Variants in FLRT2 observed in about 807,000 individuals in gnomAD.
FLRT2 encodes the protein leucine-rich repeat transmembrane protein FLRT2.
Under a neutral mutation model 40.0 loss-of-function variants are expected in FLRT2, and 15 were observed. That is an observed-to-expected ratio of 0.38 (90% CI 0.25 to 0.58). The LOEUF (loss-of-function observed/expected upper bound fraction) is 0.58, where lower values mean the gene tolerates loss of function less well. Among genes scored for constraint, FLRT2 ranks in the 20% least tolerant of loss-of-function variants. The pLI is 0.71. For missense variants in FLRT2, 726 were observed against 840.0 expected, an observed-to-expected ratio of 0.86 and a Z score of 1.68; for synonymous variants, 380 against 336.8, an observed-to-expected ratio of 1.13 and a Z score of -1.41.
rs1467646968 is a variant in FLRT2 at position 85,621,874 on chromosome 14, T to C, written c.360T>C (p.Asn120=). ...NVRVLHLQEN[N]IQTISRAALA... Reference sequence around the variant, plus strand: ...GAGTTCTCCATTTGCAGGAAAACAATATTCAGACCATTTCACGGGCTGCTC... The same window carrying C: ...GAGTTCTCCATTTGCAGGAAAACAACATTCAGACCATTTCACGGGCTGCTC... Residue 120 remains asparagine, a synonymous_variant, in exon 2 of 2, where the codon AAT becomes AAC. Coordinates refer to ENST00000330753, the MANE Select transcript of FLRT2 (RefSeq NM_013231.6). The C allele has an allele frequency of 5.6e-6, 9 of 1,612,080 alleles. No individual in the cohort carries two copies. The highest frequency in any genetic ancestry group is 5.3e-5 in the African/African-American group (4 of 74,874).
At chr14:85,604,845 G>T (rs931914265) in intron 1 of FLRT2, among the ~76,000 whole-genome samples, 4 of 152,144 alleles carry the variant, frequency 2.6e-5, no homozygotes, top group African/African-American at 9.7e-5. Flanking sequence ...GTTGGCAGAG[G>T]GGTGAAGTGG....
chr14:85,586,121 T>C (rs1275244977), intron 1 of FLRT2, among the ~76,000 whole-genome samples: 1 of 148,348 alleles, frequency 6.7e-6, no homozygotes, highest in African/African-American at 2.4e-5. Context: ...TAATCAGTGT[T>C]TATATAATAT....
At position 85,637,100 on chromosome 14, in the gene FLRT2, T is replaced by C. The variant is rs1034200696; in HGVS notation, c.*13603T>C. On this transcript the variant is annotated 3_prime_UTR_variant, in exon 2 of 2. Coordinates refer to ENST00000330753, the MANE Select transcript of FLRT2 (RefSeq NM_013231.6). ...TAGCAACATGTTTTGTGGAGATAAA[T>C]GTAAACACATTTTACACATACAAAT... The C allele has an allele frequency of 1.3e-5, 2 of 152,114 alleles. No homozygotes were observed. Among genetic ancestry groups the C allele is most frequent in the African/African-American group, 4.8e-5 (2 of 41,414 alleles). The allele number at this position is 152,114 out of a possible 1,614,324, so 9.4% of individuals were successfully genotyped here. A position where few individuals can be genotyped will look rare whatever the true frequency, so the allele number is the denominator to read the frequency against.
At chr14:85,583,858 G>T (rs1251608914) in intron 1 of FLRT2, among the ~76,000 whole-genome samples, 1 of 151,982 alleles carries the variant, frequency 6.6e-6, no homozygotes, top group Non-Finnish European at 1.5e-5. Context: ...TGAATGCAAA[G>T]GTGCGCCTGT....
intron 1 of FLRT2, among the ~76,000 whole-genome samples, chr14:85,583,344 A>T (rs1891474394): frequency 6.6e-6 from 1 of 152,236 alleles, no homozygotes; most frequent in South Asian, 2.1e-4. Context: ...TTCAACAAAC[A>T]GTCTTAACCC....
At chr14:85,560,273 A>G (rs529894937) in intron 1 of FLRT2, among the ~76,000 whole-genome samples, 2 of 152,264 alleles carry the variant, frequency 1.3e-5, no homozygotes, top group South Asian at 4.1e-4. Flanking sequence ...GGAGAAATGT[A>G]TTAGAATTAG....
intron 1 of FLRT2, among the ~76,000 whole-genome samples, chr14:85,567,429 C>T (rs1890674576): frequency 6.6e-6 from 1 of 152,098 alleles, no homozygotes; most frequent in Non-Finnish European, 1.5e-5. Context: ...TGGTTAAGAG[C>T]ATGGATTCTG....
At chr14:85,580,292 T>C (rs1157639481) in intron 1 of FLRT2, among the ~76,000 whole-genome samples, 1 of 152,146 alleles carries the variant, frequency 6.6e-6, no homozygotes, top group Non-Finnish European at 1.5e-5. Flanking sequence ...GAAGGTACTG[T>C]TGGTGTTGCA....
intron 1 of FLRT2, among the ~76,000 whole-genome samples, chr14:85,556,751 C>T (rs1465399834): frequency 6.6e-6 from 1 of 152,208 alleles, no homozygotes; most frequent in African/African-American, 2.4e-5. Flanking sequence ...GGTATATACA[C>T]AATAAGTATT....
At chr14:85,540,165 C>T (rs1315087778) in intron 1 of FLRT2, among the ~76,000 whole-genome samples, 1 of 152,124 alleles carries the variant, frequency 6.6e-6, no homozygotes, top group Admixed American at 6.5e-5. Context: ...TTTGCAAACA[C>T]ACACCAATAG....
At chr14:85,564,708 T>A (rs1890538316) in intron 1 of FLRT2, among the ~76,000 whole-genome samples, 1 of 152,216 alleles carries the variant, frequency 6.6e-6, no homozygotes. Flanking sequence ...AATACTACTA[T>A]ACCTAGCATG....
At chr14:85,542,464 T>C (rs896529696) in intron 1 of FLRT2, among the ~76,000 whole-genome samples, 2 of 152,132 alleles carry the variant, frequency 1.3e-5, no homozygotes, top group African/African-American at 4.8e-5. Context: ...CACATAGGCT[T>C]TTTCTGTTAA....
At chr14:85,557,852 A>T (rs1256283540) in intron 1 of FLRT2, among the ~76,000 whole-genome samples, 1 of 149,944 alleles carries the variant, frequency 6.7e-6, no homozygotes, top group Non-Finnish European at 1.5e-5. Context: ...ATTAATTAAC[A>T]AAAGCAAACT....
At chr14:85,615,048 C>A (rs1233826905) in intron 1 of FLRT2, among the ~76,000 whole-genome samples, 1 of 152,172 alleles carries the variant, frequency 6.6e-6, no homozygotes, top group Non-Finnish European at 1.5e-5. Flanking sequence ...ACTACCCAAC[C>A]AGTTGCTATC....
chr14:85,579,835 C>T (rs957668921), intron 1 of FLRT2, among the ~76,000 whole-genome samples: 15 of 151,316 alleles, frequency 9.9e-5, no homozygotes, highest in Admixed American at 1.3e-4. Context: ...AGCGATGCCA[C>T]TGGGATACTA....
chr14:85,539,786 A>G (rs1475373425), intron 1 of FLRT2, among the ~76,000 whole-genome samples: 2 of 152,176 alleles, frequency 1.3e-5, no homozygotes, highest in South Asian at 2.1e-4. Flanking sequence ...GTCTTGTGCT[A>G]TGATAGACTA....
chr14:85,607,955 A>G (rs1892697553), intron 1 of FLRT2, among the ~76,000 whole-genome samples: 2 of 143,610 alleles, frequency 1.4e-5, no homozygotes. Context: ...ATTAATAGAT[A>G]GCCATCTTCT....
rs997695425 is a variant in FLRT2 at position 85,646,724 on chromosome 14, C to A, written c.*23227C>A. The A allele has an allele frequency of 1.3e-5, 2 of 152,328 alleles. No individual in the cohort carries two copies. Among genetic ancestry groups the A allele is most frequent in the African/African-American group, 2.4e-5 (1 of 41,558 alleles). 9.4% of individuals were successfully genotyped at this position (152,328 alleles called of 1,614,324 possible). On this transcript the variant is annotated 3_prime_UTR_variant, in exon 2 of 2. Coordinates refer to ENST00000330753, the MANE Select transcript of FLRT2 (RefSeq NM_013231.6). ...CTCCTTCTCCCAGGTTCAAGGAATT[C>A]TCCTGCCTTAGCCTCTCGAGTAGAT...
rs67796225 is a variant in FLRT2, at chr14:85,643,354, T to TCTTCCTTCCTTCCTTCCTTCCTTC, written c.*19880_*19881insCCTTCCTTCCTTCCTTCCTTCCTT. On this transcript the variant is annotated 3_prime_UTR_variant, in exon 2 of 2. Coordinates refer to ENST00000330753, the MANE Select transcript of FLRT2 (RefSeq NM_013231.6). ...TTCTTTCTTTCTTTCTTTCTTTCTT[T>TCTTCCTTCCTTCCTTCCTTCCTTC]CTTCCTTCCTTCCTTCCTTCCTTTC... is the stretch of plus-strand genomic sequence containing the variant. 4.3e-5 allele frequency: 2 copies of TCTTCCTTCCTTCCTTCCTTCCTTC among 46,042 alleles called. No homozygotes were observed. Among genetic ancestry groups the TCTTCCTTCCTTCCTTCCTTCCTTC allele is most frequent in the African/African-American group, 7.6e-5 (1 of 13,224 alleles). 2.9% of individuals were successfully genotyped at this position (46,042 alleles called of 1,614,324 possible).
Sources: gnomAD v4.1 joint callset for allele counts (sites outside exome capture counted in the v4.1 genomes callset) on GRCh38, gnomAD v4.1.1 for gene constraint, MANE v1.5 for transcripts, NCBI Gene and HGNC (gene_info 2026-07-23, HGNC 2026-07-21) for gene names.